SULT1E1: variants seen among roughly 807,000 people sequenced by gnomAD.
SULT1E1 encodes the protein sulfotransferase family 1E member 1, also known as sulfotransferase 1E1.
SULT1E1 carries 36 observed loss-of-function variants against 33.6 expected under a neutral mutation model. The observed-to-expected ratio is 1.07, with a 90% CI of 0.82 to 1.41. The LOEUF (loss-of-function observed/expected upper bound fraction) is 1.41, where lower values mean the gene tolerates loss of function less well. Ranked by LOEUF, SULT1E1 falls within the 40% of genes most tolerant of loss-of-function variation. The pLI is 0.00. For synonymous variants in SULT1E1, 121 were observed against 111.7 expected, an observed-to-expected ratio of 1.08 and a Z score of -0.53; for missense variants, 371 against 345.7, an observed-to-expected ratio of 1.07 and a Z score of -0.58.
At chr4:69,832,467 A>G in the SULT1E1 span, among the ~76,000 whole-genome samples, 6,166 of 152,310 alleles carry the variant, frequency 0.04, 139 homozygotes, top group Admixed American at 0.062. Context: ...CTCAATGTCC[A>G]AAGACTGGGC....
At chr4:69,850,188 T>A (rs1034682888) in intron 4 of SULT1E1, among the ~76,000 whole-genome samples, 1 of 152,098 alleles carries the variant, frequency 6.6e-6, no homozygotes, top group Admixed American at 6.6e-5. Context: ...GTTTCTAGTT[T>A]TGGCAGTAAG....
At chr4:69,852,826 T>C (rs905035579) in intron 4 of SULT1E1, among the ~76,000 whole-genome samples, 4 of 152,176 alleles carry the variant, frequency 2.6e-5, no homozygotes, top group African/African-American at 9.7e-5. Context: ...ATTATAAATG[T>C]CTGGTACCTG....
At chr4:69,832,703 G>A in the SULT1E1 span, among the ~76,000 whole-genome samples, 1 of 152,266 alleles carries the variant, frequency 6.6e-6, no homozygotes, top group East Asian at 1.9e-4. Flanking sequence ...GCGTCCAGCT[G>A]GCTGTAAGCT....
At chr4:69,854,698 T>C (rs1721201836) in intron 3 of SULT1E1, among the ~76,000 whole-genome samples, 1 of 152,034 alleles carries the variant, frequency 6.6e-6, no homozygotes, top group Non-Finnish European at 1.5e-5. Context: ...ATATCATTCA[T>C]ATTTTGGCAA....
At chr4:69,830,399 T>C in the SULT1E1 span, among the ~76,000 whole-genome samples, 2 of 152,278 alleles carry the variant, frequency 1.3e-5, no homozygotes, top group South Asian at 4.1e-4. Context: ...ATTTACCATA[T>C]GCTGATTTTG....
the SULT1E1 span, among the ~76,000 whole-genome samples, chr4:69,833,949 G>T: frequency 6.6e-6 from 1 of 152,082 alleles, no homozygotes; most frequent in African/African-American, 2.4e-5. Flanking sequence ...CTTCCCTATA[G>T]CATTTGACCA....
chr4:69,836,246 A>C (rs893814713), downstream of SULT1E1, among the ~76,000 whole-genome samples: 2 of 152,204 alleles, frequency 1.3e-5, no homozygotes, highest in Non-Finnish European at 2.9e-5. Context: ...GTCCCATGTA[A>C]AAAAGAGATA....
At chr4:69,836,941 A>G (rs975338129), downstream of SULT1E1, among the ~76,000 whole-genome samples, 2 of 152,172 alleles carry the variant, frequency 1.3e-5, no homozygotes, top group Non-Finnish European at 2.9e-5. Context: ...GGTTGAACCA[A>G]GCATGGTAGC....
chr4:69,858,821 C>T (rs574096518), intron 1 of SULT1E1, among the ~76,000 whole-genome samples: 8 of 152,124 alleles, frequency 5.3e-5, no homozygotes, highest in East Asian at 3.9e-4. Flanking sequence ...AAATGCACCA[C>T]GATTTGTCCT....
intron 4 of SULT1E1, among the ~76,000 whole-genome samples, chr4:69,850,499 T>C (rs1269381983): frequency 6.6e-6 from 1 of 152,120 alleles, no homozygotes; most frequent in Non-Finnish European, 1.5e-5. Context: ...CTTAGATGTA[T>C]AGCTCTCGTT....
chr4:69,825,092 A>G, the SULT1E1 span, among the ~76,000 whole-genome samples: 1 of 152,080 alleles, frequency 6.6e-6, no homozygotes, highest in Non-Finnish European at 1.5e-5. Context: ...AAGAGCTGTA[A>G]CACTCACTGC....
At chr4:69,842,243 C>T (rs775065029) in intron 7 of SULT1E1, 137 bp from the exon 8 acceptor site, 88 of 566,482 alleles carry the variant, frequency 1.6e-4, no homozygotes, top group Admixed American at 5.9e-4. Flanking sequence ...AAATGTATAC[C>T]TTTAATGATA....
downstream of SULT1E1, among the ~76,000 whole-genome samples, chr4:69,839,532 G>A (rs1720844776): frequency 6.6e-6 from 1 of 152,160 alleles, no homozygotes; most frequent in South Asian, 2.1e-4. Flanking sequence ...GTATTAATCA[G>A]TCAGTCCATA....
intron 4 of SULT1E1, among the ~76,000 whole-genome samples, chr4:69,852,058 G>A (rs1721126819): frequency 6.6e-6 from 1 of 151,924 alleles, no homozygotes; most frequent in African/African-American, 2.4e-5. Context: ...TACCAACATG[G>A]CACATGTATA....
the SULT1E1 span, among the ~76,000 whole-genome samples, chr4:69,827,056 A>G: frequency 6.6e-6 from 1 of 152,128 alleles, no homozygotes; most frequent in Non-Finnish European, 1.5e-5. Context: ...AATTTGGCTC[A>G]ACCCAGGTAC....
rs116276993 is a variant in SULT1E1, at chr4:69,852,477, G to A, written c.369+1740C>T. On this transcript the variant is annotated intron_variant, in intron 4 of 7. Transcript: ENST00000226444. ...ATAATCTTTTCTTCCAAAAAATCCC[G>A]CTTCTTCCTTCTTCCCCATCAGTTA... Among the ~76,000 whole-genome samples the A allele has an allele frequency of 6.2e-3, 938 of 152,056 alleles. 11 individuals carry two copies. Among genetic ancestry groups the A allele is most frequent in the African/African-American group, 0.022 (898 of 41,502 alleles).
intron 6 of SULT1E1, among the ~76,000 whole-genome samples, chr4:69,845,810 A>C (rs1220704): frequency 0.78 from 117,497 of 150,920 alleles, 46,622 homozygotes; most frequent in Non-Finnish European, 0.85. Flanking sequence ...TTCAAATTCA[A>C]TGTCATTAAT....
At chr4:69,847,180 AT>A (rs1420854319) in intron 6 of SULT1E1, among the ~76,000 whole-genome samples, 4 of 150,842 alleles carry the variant, frequency 2.7e-5, no homozygotes, top group African/African-American at 4.9e-5. Flanking sequence ...AATTTTTCAT[AT>A]TTTTTTAGTT....
intron 6 of SULT1E1, among the ~76,000 whole-genome samples, chr4:69,845,447 G>T (rs1720953860): frequency 6.6e-6 from 1 of 150,506 alleles, no homozygotes; most frequent in African/African-American, 2.4e-5. Flanking sequence ...ATTAAAAATT[G>T]AAATTAAAAA....
Sources: allele counts gnomAD v4.1 joint callset (sites outside exome capture counted in the v4.1 genomes callset), GRCh38; gene constraint gnomAD v4.1.1; transcripts MANE v1.5; gene names NCBI Gene and HGNC (gene_info 2026-07-23, HGNC 2026-07-21).